KLF12: variants seen among roughly 807,000 people sequenced by gnomAD.
KLF12 encodes Krueppel-like factor 12.
A neutral mutation model predicts 37.8 loss-of-function variants in KLF12; 9 were observed. The observed-to-expected ratio is 0.24, with a 90% confidence interval of 0.14 to 0.42. The LOEUF (loss-of-function observed/expected upper bound fraction) is 0.42, where lower values mean the gene tolerates loss of function less well. KLF12 is among the 10% of genes least tolerant of loss of function. The pLI is 1.00. For synonymous variants in KLF12, 208 were observed against 202.1 expected (o/e 1.03, Z -0.25); for missense variants, 411 against 516.0 (o/e 0.80, Z 1.97).
chr13:74,046,651 A>C (rs1404457588), intron 1 of KLF12, among the ~76,000 whole-genome samples: 2 of 152,180 alleles, frequency 1.3e-5, no homozygotes, highest in Non-Finnish European at 2.9e-5. Context: ...ATCAGAAGTG[A>C]ATCATATAAG....
At position 74,033,132 on chromosome 13, in the gene KLF12, T is replaced by C. The variant is rs147461886; in HGVS notation, c.-31-38079A>G. Among the ~76,000 whole-genome samples the C allele has an allele frequency of 1.5e-3, 229 of 152,308 alleles. 2 individuals carry two copies. Among genetic ancestry groups the C allele is most frequent in the African/African-American group, 4.8e-3 (200 of 41,570 alleles). Reference sequence around the variant, plus strand: ...AAACCAGTGCTGCCTGCCCTTCTTATATAATAAAAACATTAAGAAATGAAA... The same window carrying C: ...AAACCAGTGCTGCCTGCCCTTCTTACATAATAAAAACATTAAGAAATGAAA... On this transcript the variant is annotated intron_variant, in intron 1 of 7. Transcript: ENST00000377669.
intron 1 of KLF12, among the ~76,000 whole-genome samples, chr13:73,996,267 C>T (rs1892117203): frequency 6.6e-6 from 1 of 152,228 alleles, no homozygotes; most frequent in Non-Finnish European, 1.5e-5. Context: ...TAGTGGCAGA[C>T]TAAAAACATT....
At chr13:73,807,124 A>G (rs1397739859) in intron 5 of KLF12, among the ~76,000 whole-genome samples, 1 of 152,114 alleles carries the variant, frequency 6.6e-6, no homozygotes, top group African/African-American at 2.4e-5. Flanking sequence ...CCTGGCCAAC[A>G]TGGTAAAACC....
chr13:74,017,023 C>T (rs1892702987), intron 1 of KLF12, among the ~76,000 whole-genome samples: 1 of 152,020 alleles, frequency 6.6e-6, no homozygotes, highest in Non-Finnish European at 1.5e-5. Context: ...AGCACATGTA[C>T]TCGTGGCATT....
the KLF12 span, among the ~76,000 whole-genome samples, chr13:74,241,325 G>A: frequency 4.6e-5 from 7 of 152,116 alleles, no homozygotes; most frequent in Non-Finnish European, 8.8e-5. Flanking sequence ...CTGCGTACTG[G>A]GAGAACCACT....
intron 3 of KLF12, among the ~76,000 whole-genome samples, chr13:73,884,314 G>A (rs572798960): frequency 6.4e-4 from 97 of 152,196 alleles, no homozygotes; most frequent in South Asian, 3.7e-3. Flanking sequence ...TTAGGCTAGC[G>A]CAAATACGGC....
At chr13:74,245,315 AT>A in the KLF12 span, among the ~76,000 whole-genome samples, 5 of 151,318 alleles carry the variant, frequency 3.3e-5, no homozygotes, top group South Asian at 1.0e-3. Flanking sequence ...CTATCTATCT[AT>A]CTATCTATCT....
intron 3 of KLF12, among the ~76,000 whole-genome samples, chr13:73,939,168 G>C (rs1890080735): frequency 6.6e-6 from 1 of 152,182 alleles, no homozygotes. Context: ...ACTCAGGTCA[G>C]CTCCTTCCCC....
chr13:74,282,788 G>A, the KLF12 span, among the ~76,000 whole-genome samples: 6 of 152,126 alleles, frequency 3.9e-5, no homozygotes, highest in Non-Finnish European at 5.9e-5. Context: ...CCTCTATTAC[G>A]GTTTCAGTTC....
chr13:73,961,935 C>T, intron 2 of KLF12: 1 of 441,118 alleles, frequency 2.3e-6, no homozygotes, highest in South Asian at 1.6e-5. Flanking sequence ...AGTTTATTAG[C>T]TTCTTACAAA....
chr13:74,220,036 GA>G, the KLF12 span, among the ~76,000 whole-genome samples: 1 of 151,900 alleles, frequency 6.6e-6, no homozygotes, highest in African/African-American at 2.4e-5. Flanking sequence ...CATCTGCTTC[GA>G]CTTTTTCCTC....
chr13:73,820,397 T>C (rs61121295), intron 4 of KLF12, among the ~76,000 whole-genome samples: 1,866 of 152,324 alleles, frequency 0.012, 27 homozygotes, highest in African/African-American at 0.041. Flanking sequence ...TCAAACAGAC[T>C]ATTTTCCTAG....
chr13:74,060,809 T>C (rs1873551359), intron 1 of KLF12, among the ~76,000 whole-genome samples: 1 of 152,200 alleles, frequency 6.6e-6, no homozygotes, highest in Admixed American at 6.5e-5. Context: ...CTCTGTTGAA[T>C]AGGAGTGGTC....
At chr13:73,803,780 AC>A (rs1566378726) in intron 5 of KLF12, among the ~76,000 whole-genome samples, 1 of 95,252 alleles carries the variant, frequency 1.0e-5, no homozygotes, top group African/African-American at 5.5e-5. Context: ...AGTCACACAC[AC>A]ACACACACAC....
At position 73,909,917 on chromosome 13, in the gene KLF12, C is replaced by T. The variant is rs148657951; in HGVS notation, c.123+34064G>A. Among the ~76,000 whole-genome samples the T allele has an allele frequency of 1.1e-4, 17 of 152,138 alleles. No individual in the cohort carries two copies. In the East Asian group the frequency reaches 2.5e-3, roughly 22 times the overall value. On this transcript the variant is annotated intron_variant, in intron 3 of 7. Transcript: ENST00000377669. ...TTATTTTGTATATAATCACCCTGTA[C>T]GTGTACATTTCTATATAATTTATAA...
intron 2 of KLF12, among the ~76,000 whole-genome samples, chr13:73,949,868 T>C (rs937918192): frequency 1.3e-5 from 2 of 152,202 alleles, no homozygotes; most frequent in African/African-American, 4.8e-5. Flanking sequence ...CTTAGGAGAA[T>C]GGATATCAAT....
chr13:73,848,754 G>C (rs1056742385), intron 3 of KLF12, among the ~76,000 whole-genome samples: 1 of 151,870 alleles, frequency 6.6e-6, no homozygotes, highest in Non-Finnish European at 1.5e-5. Context: ...TATAGAAAAG[G>C]CTCACAAAAA....
intron 1 of KLF12, among the ~76,000 whole-genome samples, chr13:74,068,924 T>C (rs1262833513): frequency 6.6e-6 from 1 of 152,180 alleles, no homozygotes; most frequent in African/African-American, 2.4e-5. Context: ...AACTAACTTT[T>C]TGACAAACTG....
chr13:74,090,440 T>C (rs967237509), intron 1 of KLF12, among the ~76,000 whole-genome samples: 3 of 152,128 alleles, frequency 2.0e-5, no homozygotes, highest in African/African-American at 7.2e-5. Context: ...AATTGAGGAA[T>C]CTACTCCCAA....
Sources: allele counts gnomAD v4.1 joint callset (sites outside exome capture counted in the v4.1 genomes callset), GRCh38; gene constraint gnomAD v4.1.1; transcripts MANE v1.5; gene names NCBI Gene and HGNC (gene_info 2026-07-23, HGNC 2026-07-21).